PDLIM2: variants seen among roughly 807,000 people sequenced by gnomAD.
The protein encoded by PDLIM2 is PDZ and LIM domain 2.
A neutral mutation model predicts 54.1 loss-of-function variants in PDLIM2; 51 were observed. The ratio of observed to expected loss-of-function variants is 0.94; its 90% CI spans 0.75 to 1.19. PDLIM2 has a LOEUF of 1.19. Ranked by LOEUF, PDLIM2 falls within the 50% of genes most tolerant of loss-of-function variation. PDLIM2 has a pLI of 0.00. For missense variants in PDLIM2, 912 were observed against 874.0 expected (o/e 1.04, Z -0.55); for synonymous variants, 398 against 385.6 (o/e 1.03, Z -0.38).
chr8:22,590,984 G>T (rs569560866), intron 8 of PDLIM2: 1 of 160,850 alleles, frequency 6.2e-6, no homozygotes, highest in African/African-American at 2.4e-5. Flanking sequence ...AGAGGCACAG[G>T]GGGTGGGGTG....
At chr8:22,578,888 C>T (rs995140309) in exon 1 of PDLIM2, 3 of 1,238,196 alleles carry the variant, frequency 2.4e-6, no homozygotes, top group African/African-American at 1.6e-5. Flanking sequence ...CTGCTGTGCT[C>T]CGGGCAGTCG....
chr8:22,595,988 T>G (rs1168162464), downstream of PDLIM2: 1 of 151,590 alleles, frequency 6.6e-6, no homozygotes, highest in African/African-American at 2.5e-5. Context: ...AGAGATGGGG[T>G]CTCACTATGT....
At chr8:22,594,339 G>T (rs1031482842), downstream of PDLIM2, 3 of 1,455,106 alleles carry the variant, frequency 2.1e-6, no homozygotes, top group African/African-American at 1.4e-5. Context: ...CCAGCCCTGG[G>T]TATGACCTGC....
At chr8:22,594,962 G>C (rs1800654889), downstream of PDLIM2, 1 of 242,056 alleles carries the variant, frequency 4.1e-6, no homozygotes, top group African/African-American at 2.3e-5. Context: ...CATGTGGCCA[G>C]TGCCAGGTGA....
exon 4 of PDLIM2, chr8:22,584,856 A>G: frequency 6.2e-7 from 1 of 1,614,042 alleles, no homozygotes; most frequent in Non-Finnish European, 8.5e-7. Context: ...ACCAATGGGG[A>G]CAGCTCCTTG....
chr8:22,580,188 G>A (rs965775025), intron 1 of PDLIM2: 11 of 304,294 alleles, frequency 3.6e-5, no homozygotes, highest in South Asian at 1.7e-4. Context: ...AGGAAGTACC[G>A]TGTGCTGTGG....
At chr8:22,591,197 G>C (rs1326524622) in intron 8 of PDLIM2, 1 of 298,052 alleles carries the variant, frequency 3.4e-6, no homozygotes, top group East Asian at 1.1e-4. Context: ...AAAGCACTTT[G>C]AAAGCCACAC....
At chr8:22,582,900 G>A (rs1343939763) in intron 3 of PDLIM2, among the ~76,000 whole-genome samples, 10 of 126,720 alleles carry the variant, frequency 7.9e-5, no homozygotes, top group Non-Finnish European at 1.3e-4. Flanking sequence ...TTTTGCTGAC[G>A]TGATGCCCAC....
chr8:22,581,984 C>G (rs574603513), intron 3 of PDLIM2, among the ~76,000 whole-genome samples: 1 of 152,240 alleles, frequency 6.6e-6, no homozygotes, highest in East Asian at 1.9e-4. Context: ...GGGCTCATTC[C>G]TCATAGAGGC....
chr8:22,594,665 T>C (rs763155961), downstream of PDLIM2: 10 of 1,603,458 alleles, frequency 6.2e-6, no homozygotes, highest in East Asian at 9.0e-5. Context: ...CCTCTGATCC[T>C]GAGGACCGGC....
intron 3 of PDLIM2, 67 bp from the exon 3 acceptor site, chr8:22,584,754 T>G: frequency 1.4e-6 from 2 of 1,477,570 alleles, no homozygotes; most frequent in Non-Finnish European, 1.9e-6. Flanking sequence ...GGAACAGTTT[T>G]GGCCTCTTTT....
downstream of PDLIM2, chr8:22,594,389 C>A (rs146826483): frequency 3.9e-6 from 6 of 1,535,680 alleles, no homozygotes; most frequent in Middle Eastern, 2.1e-4. Flanking sequence ...ATGCAACATA[C>A]GTTTCTTCTT....
chr8:22,590,213 C>T (rs781182587), intron 8 of PDLIM2: 13 of 163,196 alleles, frequency 8.0e-5, no homozygotes, highest in Non-Finnish European at 1.6e-4. Context: ...CATGAAAGGG[C>T]GCCAGTGGAG....
At chr8:22,588,803 A>T (rs1379455465) in intron 6 of PDLIM2, 17 of 176,202 alleles carry the variant, frequency 9.6e-5, no homozygotes. Context: ...CCTTGGGAAG[A>T]GGGCCTCTGC....
chr8:22,593,222 G>C (rs1011916182), intron 9 of PDLIM2: 2 of 152,682 alleles, frequency 1.3e-5, no homozygotes, highest in African/African-American at 4.8e-5. Context: ...TGGCAGCGGT[G>C]GTGGGGGTTT....
At chr8:22,590,302 T>A (rs73672767) in intron 8 of PDLIM2, 4,112 of 154,920 alleles carry the variant, frequency 0.027, 193 homozygotes, top group African/African-American at 0.093. Context: ...CATTAAATAC[T>A]GATGCCAGGC....
chr8:22,592,380 C>T (rs192333583), intron 9 of PDLIM2: 3 of 152,282 alleles, frequency 2.0e-5, no homozygotes, highest in Non-Finnish European at 4.4e-5. Flanking sequence ...CATGCCCAGC[C>T]GAGGTGGGCT....
At chr8:22,595,335 G>T (rs530535834), downstream of PDLIM2, 1 of 152,366 alleles carries the variant, frequency 6.6e-6, no homozygotes, top group African/African-American at 2.4e-5. Context: ...AGGCTGTCTG[G>T]CGCGGGACTC....
intron 9 of PDLIM2, chr8:22,592,137 A>G (rs1334086222): frequency 1.6e-5 from 2 of 126,352 alleles, no homozygotes; most frequent in Non-Finnish European, 3.1e-5. Context: ...GCAGGAGTGC[A>G]GTGGTGCAAT....
Sources: gnomAD v4.1 joint callset for allele counts (sites outside exome capture counted in the v4.1 genomes callset) on GRCh38, gnomAD v4.1.1 for gene constraint, MANE v1.5 for transcripts, NCBI Gene and HGNC (gene_info 2026-07-23, HGNC 2026-07-21) for gene names.